AAK1: variants seen among roughly 807,000 people sequenced by gnomAD.
The protein encoded by AAK1 is AP2-associated protein kinase 1.
In AAK1, 37 loss-of-function variants were observed where a neutral mutation model predicts 116.0. The observed-to-expected ratio is 0.32, with a 90% CI of 0.25 to 0.42. The LOEUF is 0.42. Ranked by LOEUF, AAK1 falls within the 10% of genes least tolerant of loss-of-function variation. AAK1 has a pLI of 1.00. For missense variants in AAK1, 919 were observed against 1,170.6 expected, an observed-to-expected ratio of 0.79 and a Z score of 3.14; for synonymous variants, 458 against 439.9, an observed-to-expected ratio of 1.04 and a Z score of -0.51.
chr2:69,505,571 G>A lies in AAK1; in HGVS notation c.2267C>T (p.Thr756Ile). The change falls in exon 16 of 22, where the codon ACT becomes ATT. Residue 756 changes from threonine to isoleucine, a missense_variant and splice_region_variant. Transcript: ENST00000409085. ...TTCCAGGTATTTGCCATACTAACCA[G>A]TTCCAGCAGAAAATGAGGTCGTAGC... ...AFATTSFSAGTAEKRKGGQTV... is the reference protein window; with the variant it reads ...AFATTSFSAGIAEKRKGGQTV... 6.2e-7 allele frequency: 1 copy of A among 1,613,308 alleles called. No homozygotes were observed. Among genetic ancestry groups the A allele is most frequent in the South Asian group, 1.1e-5 (1 of 91,050 alleles).
chr2:69,611,661 CA>C (rs1462030018), intron 2 of AAK1, among the ~76,000 whole-genome samples: 3 of 152,100 alleles, frequency 2.0e-5, no homozygotes, highest in African/African-American at 7.2e-5. Context: ...CCCAAAAGAA[CA>C]GAATGCAGGG....
intron 2 of AAK1, among the ~76,000 whole-genome samples, chr2:69,614,130 T>C (rs1674211749): frequency 1.3e-5 from 2 of 152,302 alleles, no homozygotes; most frequent in South Asian, 2.1e-4. Context: ...CACTATCAGG[T>C]GAGTCAGCTC....
In AAK1 at chr2:69,478,958, G is replaced by A. The variant is rs1001890031; in HGVS notation, c.2673C>T (p.Val891=). The change falls in exon 20 of 22, where the codon GTC becomes GTT. Residue 891 remains valine (V), a synonymous_variant. Transcript: ENST00000409085. Reference sequence around the variant, plus strand: ...GAAGAAGAAAGCATTTACCTTTATGGACTGGAGCAGAGATTGCTGTGGGGG... The same window carrying A: ...GAAGAAGAAAGCATTTACCTTTATGAACTGGAGCAGAGATTGCTGTGGGGG... The part of the protein sequence containing the change: ...EFAPTAISAP[V]HKAAEDSNLI... 6.2e-7 allele frequency: 1 copy of A among 1,610,100 alleles called. No homozygotes were observed. Among genetic ancestry groups the A allele is most frequent in the African/African-American group, 1.3e-5 (1 of 74,930 alleles).
chr2:69,500,698 T>TATATATATATATATATATATATATATAC, intron 16 of AAK1, among the ~76,000 whole-genome samples: 3 of 65,102 alleles, frequency 4.6e-5, no homozygotes, highest in Non-Finnish European at 5.2e-5. Context: ...TATATATATA[T>TATATATATATATATATATATATATATAC]ACACACACAC....
intron 2 of AAK1, among the ~76,000 whole-genome samples, chr2:69,631,900 A>G (rs1306418959): frequency 6.6e-6 from 1 of 152,156 alleles, no homozygotes; most frequent in Non-Finnish European, 1.5e-5. Context: ...GGATCGCTTG[A>G]GCCCGGGAGG....
At chr2:69,582,709 T>C (rs1266130897) in intron 2 of AAK1, among the ~76,000 whole-genome samples, 1 of 152,126 alleles carries the variant, frequency 6.6e-6, no homozygotes, top group African/African-American at 2.4e-5. Context: ...ACAAGGTTAG[T>C]CCACACTCCA....
At chr2:69,528,085 A>G (rs1397740096) in intron 8 of AAK1, among the ~76,000 whole-genome samples, 1 of 152,218 alleles carries the variant, frequency 6.6e-6, no homozygotes, top group Non-Finnish European at 1.5e-5. Context: ...GGCAGGACAG[A>G]ATTTAGTCAG....
At chr2:69,492,200 G>A (rs1237901418) in intron 17 of AAK1, among the ~76,000 whole-genome samples, 2 of 151,968 alleles carry the variant, frequency 1.3e-5, no homozygotes, top group African/African-American at 4.8e-5. Context: ...TGGTCTTCAG[G>A]AGACTGAGAG....
intron 2 of AAK1, among the ~76,000 whole-genome samples, chr2:69,607,789 GA>G (rs1558998798): frequency 6.6e-6 from 1 of 152,182 alleles, no homozygotes; most frequent in East Asian, 1.9e-4. Flanking sequence ...GCAGACTAGA[GA>G]TTAGCCATGA....
intron 2 of AAK1, among the ~76,000 whole-genome samples, chr2:69,609,613 G>A (rs958665713): frequency 4.0e-5 from 6 of 151,782 alleles, no homozygotes; most frequent in African/African-American, 7.3e-5. Context: ...GCAGTGAGCC[G>A]AGATTGTGCC....
chr2:69,550,909 C>T (rs1233978003), intron 3 of AAK1, among the ~76,000 whole-genome samples: 1 of 152,132 alleles, frequency 6.6e-6, no homozygotes, highest in Non-Finnish European at 1.5e-5. Flanking sequence ...AGCCACAGTG[C>T]CCAGCCGTCA....
chr2:69,576,638 A>C (rs1390318469), intron 2 of AAK1, among the ~76,000 whole-genome samples: 2 of 152,138 alleles, frequency 1.3e-5, no homozygotes, highest in African/African-American at 4.8e-5. Flanking sequence ...TTGAGTTTCA[A>C]TGGAGGTATA....
intron 9 of AAK1, among the ~76,000 whole-genome samples, chr2:69,526,712 G>C (rs1670043378): frequency 6.6e-6 from 1 of 152,208 alleles, no homozygotes. Flanking sequence ...CATTCTTATG[G>C]CTTGATGTGC....
In AAK1 at chr2:69,466,417, A is replaced by T. The variant is rs1402381218; in HGVS notation, c.*9452T>A. The T allele has an allele frequency of 4.7e-6, 6 of 1,289,702 alleles. No homozygotes were observed. The highest frequency in any genetic ancestry group is 5.5e-5 in the East Asian group (1 of 18,034). 79.9% of individuals were successfully genotyped at this position (1,289,702 alleles called of 1,614,324 possible). ...GGGCCATCTCTGGCCAAGTAGTCAGATTCTAAGTTGTTCTGAGTCTTTGTG... is the reference window on the plus strand; with the variant it reads ...GGGCCATCTCTGGCCAAGTAGTCAGTTTCTAAGTTGTTCTGAGTCTTTGTG... On this transcript the variant is annotated 3_prime_UTR_variant, in exon 22 of 22. Transcript: ENST00000409085.
chr2:69,549,926 A>G (rs183571325), intron 3 of AAK1, among the ~76,000 whole-genome samples: 1 of 152,358 alleles, frequency 6.6e-6, no homozygotes, highest in East Asian at 1.9e-4. Flanking sequence ...AAAGGCACAT[A>G]ATTGATCAAT....
intron 13 of AAK1, among the ~76,000 whole-genome samples, chr2:69,513,652 T>G (rs189560832): frequency 1.6e-4 from 24 of 152,324 alleles, no homozygotes; most frequent in Middle Eastern, 6.8e-3. Flanking sequence ...TTTCCTTTGT[T>G]CCTCTAGTAG....
Position 69,482,754 on chromosome 2 carries a change from C to T in AAK1, c.2424G>A (p.Leu808=). Residue 808 remains leucine, a synonymous_variant, in exon 18 of 22, where the codon TTG becomes TTA. Coordinates refer to ENST00000409085, the MANE Select transcript of AAK1 (RefSeq NM_014911.5). ...TGCTACCAAAAGGATCTGTCATAGG[C>T]AAGAGGTCAGGGAGCAGAAGAGAAG... ...PDTSLLLPDL[L]PMTDPFGSTS... is the part of the protein sequence containing the mutation. The T allele has an allele frequency of 1.2e-6, 2 of 1,613,762 alleles. No homozygotes were observed. The highest frequency in any genetic ancestry group is 1.1e-5 in the South Asian group (1 of 91,066).
Position 69,467,514 on chromosome 2 carries a change from GA to G in AAK1, c.*8354del, listed in dbSNP as rs1259066428. 3.0e-6 allele frequency: 3 copies of G among 985,308 alleles called. No individual in the cohort carries two copies. Among genetic ancestry groups the G allele is most frequent in the Non-Finnish European group, 3.6e-6 (3 of 829,934 alleles). The allele number at this position is 985,308 out of a possible 1,614,324, so 61.0% of individuals were successfully genotyped here. On this transcript the variant is annotated 3_prime_UTR_variant, in exon 22 of 22. Transcript: ENST00000409085. Reference sequence around the variant, plus strand: ...TGTAACTAAGCAAGAAGAATCCAGAGAAAGGGTGGTTGGGGGTAAAGGTATC... The same window carrying G: ...TGTAACTAAGCAAGAAGAATCCAGAGAAGGGTGGTTGGGGGTAAAGGTATC...
intron 2 of AAK1, among the ~76,000 whole-genome samples, chr2:69,581,355 C>G (rs1485686750): frequency 1.3e-5 from 2 of 152,182 alleles, no homozygotes; most frequent in Admixed American, 1.3e-4. Context: ...CTCAGCCTCC[C>G]AAAGTGCTGG....
Sources: allele counts gnomAD v4.1 joint callset (sites outside exome capture counted in the v4.1 genomes callset), GRCh38; gene constraint gnomAD v4.1.1; transcripts MANE v1.5; gene names NCBI Gene and HGNC (gene_info 2026-07-23, HGNC 2026-07-21).